The following PCDHGA7 variants were observed in gnomAD, a reference collection of about 807,000 sequenced individuals.
PCDHGA7 encodes protocadherin gamma subfamily A, 7.
A neutral mutation model predicts 58.3 loss-of-function variants in PCDHGA7; 44 were observed. The ratio of observed to expected loss-of-function variants is 0.75; its 90% CI spans 0.59 to 0.97. PCDHGA7 has a LOEUF of 0.97. Ranked by LOEUF, PCDHGA7 falls within the 50% of genes least tolerant of loss-of-function variation. PCDHGA7 has a pLI of 0.00. For missense variants in PCDHGA7, 1,266 were observed against 1,188.7 expected (o/e 1.06, Z -0.96); for synonymous variants, 516 against 504.2 (o/e 1.02, Z -0.31).
rs377061064 is a variant in PCDHGA7, at chr5:141,505,429, C to A, written c.2520C>A (p.Asn840Lys). 1.2e-6 allele frequency: 2 copies of A among 1,614,116 alleles called. No homozygotes were observed. Among genetic ancestry groups the A allele is most frequent in the African/African-American group, 1.3e-5 (1 of 74,938 alleles). Residue 840 changes from asparagine (N) to lysine (K), a missense_variant, in exon 3 of 4, where the codon AAC becomes AAA. Asn to Lys is a moderately conservative substitution (Grantham distance 94, BLOSUM62 0). Coordinates refer to ENST00000518325, the MANE Select transcript of PCDHGA7 (RefSeq NM_018920.4). ...QNGDDTGTWP[N>K]NQFDTEMLQA... ...GCGATGACACCGGCACCTGGCCCAA[C>A]AACCAGTTTGACACAGAGATGCTGC...
intron 1 of PCDHGA7, among the ~76,000 whole-genome samples, chr5:141,455,902 TA>T (rs2098836291): frequency 6.7e-6 from 1 of 149,860 alleles, no homozygotes. Context: ...TTTATTTATT[TA>T]TTTATTTATT....
At chr5:141,478,050 C>T (rs2099429383) in intron 1 of PCDHGA7, 1 of 1,614,066 alleles carries the variant, frequency 6.2e-7, no homozygotes, top group Non-Finnish European at 8.5e-7. Flanking sequence ...CAGACTCTCA[C>T]GGTCTTGATC....
At position 141,486,827 on chromosome 5, in the gene PCDHGA7, C is replaced by G. The variant is rs758132181; in HGVS notation, c.2425-7980C>G. 1.2e-6 allele frequency: 2 copies of G among 1,614,228 alleles called. No homozygotes were observed. Among genetic ancestry groups the G allele is most frequent in the Admixed American group, 1.7e-5 (1 of 60,034 alleles). On this transcript the variant is annotated intron_variant, in intron 1 of 3. Transcript: ENST00000518325. This position sits in a 1 kb window ranked among gnomAD's most constrained non-coding sequence, Gnocchi z 5.0. ...ACCCCTTAGCAGCACTGTAACAGTTCGTCTATTTGTGCTGGACCTCAATGA... is the reference window on the plus strand; with the variant it reads ...ACCCCTTAGCAGCACTGTAACAGTTGGTCTATTTGTGCTGGACCTCAATGA...
At position 141,511,345 on chromosome 5, in the gene PCDHGA7, T is replaced by C; in HGVS notation, c.*172T>C. ...AAGTGCCCAGTCAGCACCTACCCCT[T>C]CCCCCCCAGGGGGTTGAATATGCAA... On this transcript the variant is annotated 3_prime_UTR_variant, in exon 4 of 4. Transcript: ENST00000518325. The C allele has an allele frequency of 1.4e-6, 2 of 1,410,502 alleles. No homozygotes were observed. The highest frequency in any genetic ancestry group is 9.4e-7 in the Non-Finnish European group (1 of 1,060,676). 87.4% of individuals were successfully genotyped at this position (1,410,502 alleles called of 1,614,324 possible).
intron 1 of PCDHGA7, among the ~76,000 whole-genome samples, chr5:141,434,195 T>C (rs1561872734): frequency 6.6e-6 from 1 of 151,916 alleles, no homozygotes; most frequent in Non-Finnish European, 1.5e-5. Flanking sequence ...AATTCCAATG[T>C]ACTTACTTCT....
chr5:141,453,144 C>T lies in PCDHGA7; in HGVS notation c.2425-41663C>T, dbSNP rs530175947. ...TTGTTTTGTTTTTGAGATAGGGTCT[C>T]GCTATGTCACCCAGGCTGGAGTCCA... On this transcript the variant is annotated intron_variant, in intron 1 of 3. Transcript: ENST00000518325. Among the ~76,000 whole-genome samples, 290 of 152,062 alleles carry T rather than the reference C, an allele frequency of 1.9e-3. 1 individual carries two copies. The highest frequency in any genetic ancestry group is 6.3e-3 in the African/African-American group (260 of 41,478).
chr5:141,403,612 GC>G, intron 1 of PCDHGA7: 1 of 1,613,854 alleles, frequency 6.2e-7, no homozygotes, highest in Non-Finnish European at 8.5e-7. Flanking sequence ...GCGGCGAGCC[GC>G]GTCGCTCCAG....
chr5:141,393,430 C>T, intron 1 of PCDHGA7: 1 of 1,614,040 alleles, frequency 6.2e-7, no homozygotes, highest in Non-Finnish European at 8.5e-7. Context: ...GAGGAAGAGG[C>T]TGCTCACCAC....
intron 1 of PCDHGA7, chr5:141,389,630 T>G: frequency 6.2e-7 from 1 of 1,612,990 alleles, no homozygotes; most frequent in South Asian, 1.1e-5. Context: ...CTGCAGAGCC[T>G]GGCTACTTGG....
intron 1 of PCDHGA7, among the ~76,000 whole-genome samples, chr5:141,444,472 C>T (rs559334960): frequency 2.1e-4 from 32 of 151,968 alleles, no homozygotes; most frequent in Admixed American, 1.5e-3. Flanking sequence ...CGCCCGGTCG[C>T]GTACTGGATT....
chr5:141,477,298 T>C lies in PCDHGA7; in HGVS notation c.2425-17509T>C. ...TGGTGACCTGCGAAGTTCCACCGGG[T>C]CTCCCTTTCAGCCTTACTTCTTCCC... On this transcript the variant is annotated intron_variant, in intron 1 of 3. Coordinates refer to ENST00000518325, the MANE Select transcript of PCDHGA7 (RefSeq NM_018920.4). This position sits in a 1 kb window ranked among gnomAD's most constrained non-coding sequence, Gnocchi z 4.9. 1 of 1,613,344 alleles carries C rather than the reference T, an allele frequency of 6.2e-7. No individual in the cohort carries two copies. Among genetic ancestry groups the C allele is most frequent in the Non-Finnish European group, 8.5e-7 (1 of 1,179,870 alleles).
chr5:141,508,928 G>A (rs1475005703), intron 3 of PCDHGA7, among the ~76,000 whole-genome samples: 1 of 152,076 alleles, frequency 6.6e-6, no homozygotes, highest in East Asian at 1.9e-4. Flanking sequence ...TCCTTTTGGA[G>A]TTAATTAGGG....
In PCDHGA7 at chr5:141,415,739, G is replaced by GTTT. The variant is rs1561759437; in HGVS notation, c.2424+30416_2424+30417insTTT. 6 of 435,150 alleles carry GTTT rather than the reference G, an allele frequency of 1.4e-5. No individual in the cohort carries two copies. The African/African-American group carries it at 1.6e-4, about 12-fold the overall frequency. 27.0% of individuals were successfully genotyped at this position (435,150 alleles called of 1,614,324 possible). ...ATGAGTAGAATTTGATGTTTATTAAGGTTTTTTTTTTTTTTTTTTTTTTTT... is the reference window on the plus strand; with the variant it reads ...ATGAGTAGAATTTGATGTTTATTAAGTTTGTTTTTTTTTTTTTTTTTTTTTTTT... On this transcript the variant is annotated intron_variant, in intron 1 of 3. Transcript: ENST00000518325.
chr5:141,503,781 G>A (rs1393561411), intron 2 of PCDHGA7, among the ~76,000 whole-genome samples: 1 of 152,110 alleles, frequency 6.6e-6, no homozygotes, highest in East Asian at 1.9e-4. Flanking sequence ...TTCTTAGGCT[G>A]AGTTCATCTA....
In PCDHGA7 at chr5:141,384,387, C is replaced by A. The variant is rs774707320; in HGVS notation, c.1488C>A (p.Ile496=). 1 of 1,613,950 alleles carries A rather than the reference C, an allele frequency of 6.2e-7. No homozygotes were observed. The highest frequency in any genetic ancestry group is 1.7e-5 in the Admixed American group (1 of 60,030). The change falls in exon 1 of 4, where the codon ATC becomes ATA. Residue 496 remains isoleucine (I), a synonymous_variant. Transcript: ENST00000518325. ...CTTATTCCTTGGCCGAAGACACCATCCAGGGGGCTCCAGTGTCCTCCTATG... is the reference window on the plus strand; with the variant it reads ...CTTATTCCTTGGCCGAAGACACCATACAGGGGGCTCCAGTGTCCTCCTATG... The part of the protein sequence containing the change: ...QITYSLAEDT[I]QGAPVSSYVS...
rs1243232069 is a variant in PCDHGA7 at position 141,490,842 on chromosome 5, G to A, written c.2425-3965G>A. Reference sequence around the variant, plus strand: ...TGCTGCAGATGCTGCAGATTGTGGTGGGGGTTCGAGACTCCGGCTCTCCCC... The same window carrying A: ...TGCTGCAGATGCTGCAGATTGTGGTAGGGGTTCGAGACTCCGGCTCTCCCC... On this transcript the variant is annotated intron_variant, in intron 1 of 3. Transcript: ENST00000518325. The surrounding 1 kb of genome is among the most constrained non-coding windows in gnomAD (Gnocchi z 5.4). 4.3e-6 allele frequency: 7 copies of A among 1,613,844 alleles called. No homozygotes were observed. In the South Asian group the frequency reaches 6.6e-5, roughly 15 times the overall value.
intron 1 of PCDHGA7, among the ~76,000 whole-genome samples, chr5:141,402,580 TA>T (rs2094282125): frequency 6.6e-6 from 1 of 152,226 alleles, no homozygotes; most frequent in Admixed American, 6.5e-5. Context: ...CTCAGATATC[TA>T]AAAAATAGAT....
rs138641753 is a variant in PCDHGA7, at chr5:141,430,814, C to T, written c.2424+45491C>T. On this transcript the variant is annotated intron_variant, in intron 1 of 3. Transcript: ENST00000518325. ...CAAAGGGCTTGTCCTGCTGGGAATC[C>T]TCCTGGGGACTCTGTGGGAGACCGG... is the stretch of plus-strand genomic sequence containing the variant. 97 of 1,534,514 alleles carry T rather than the reference C, an allele frequency of 6.3e-5. No homozygotes were observed. The African/African-American group carries it at 1.1e-3, about 17-fold the overall frequency.
At chr5:141,427,008 C>G (rs762510673) in intron 1 of PCDHGA7, 145 of 456,786 alleles carry the variant, frequency 3.2e-4, no homozygotes, top group African/African-American at 2.8e-3. Context: ...AGTTTTTAGC[C>G]AGGATGTATA....
Sources: gnomAD v4.1 joint callset for allele counts (sites outside exome capture counted in the v4.1 genomes callset) on GRCh38, gnomAD v4.1.1 for gene constraint, Gnocchi (gnomAD v3.1) non-coding constraint, MANE v1.5 for transcripts, NCBI Gene and HGNC (gene_info 2026-07-23, HGNC 2026-07-21) for gene names.